MAGI1: variants seen among roughly 807,000 people sequenced by gnomAD.
MAGI1 encodes membrane associated guanylate kinase, WW and PDZ domain containing 1, also known as membrane-associated guanylate kinase, WW and PDZ domain-containing protein 1.
A neutral mutation model predicts 139.9 loss-of-function variants in MAGI1; 58 were observed. The ratio of observed to expected loss-of-function variants is 0.41; its 90% confidence interval spans 0.34 to 0.52. The LOEUF is 0.52. MAGI1 is among the 20% of genes least tolerant of loss of function. The pLI, the probability that MAGI1 is intolerant of heterozygous loss-of-function variation, is 0.12. For synonymous variants in MAGI1, 812 were observed against 737.9 expected, an observed-to-expected ratio of 1.10 and a Z score of -1.63; for missense variants, 1,874 against 1,901.6, an observed-to-expected ratio of 0.99 and a Z score of 0.27.
intron 2 of MAGI1, among the ~76,000 whole-genome samples, chr3:65,586,078 C>T (rs542971665): frequency 5.3e-5 from 8 of 152,020 alleles, no homozygotes; most frequent in Admixed American, 2.0e-4. Context: ...GCGTTGGTGG[C>T]GCATGCCTGT....
At chr3:65,555,329 T>A (rs933693662) in intron 2 of MAGI1, among the ~76,000 whole-genome samples, 4 of 149,636 alleles carry the variant, frequency 2.7e-5, no homozygotes, top group African/African-American at 1.0e-4. Flanking sequence ...AGAATAGCTA[T>A]GAGGCCATGC....
At chr3:65,550,708 C>T (rs1195977216) in intron 2 of MAGI1, among the ~76,000 whole-genome samples, 2 of 151,852 alleles carry the variant, frequency 1.3e-5, no homozygotes, top group Non-Finnish European at 2.9e-5. Context: ...CTCATGCTTA[C>T]AATCCCAGCA....
intron 1 of MAGI1, among the ~76,000 whole-genome samples, chr3:65,738,826 T>C (rs2035010719): frequency 6.6e-6 from 1 of 152,224 alleles, no homozygotes; most frequent in African/African-American, 2.4e-5. Flanking sequence ...CAGTAAAACA[T>C]GCTATAAGCA....
chr3:66,033,110 C>T (rs927452963), intron 1 of MAGI1, among the ~76,000 whole-genome samples: 2 of 151,744 alleles, frequency 1.3e-5, no homozygotes, highest in Non-Finnish European at 2.9e-5. Context: ...CTCACTGCAA[C>T]CTCTGCCTCC....
At chr3:65,926,786 G>C (rs1412379266) in intron 1 of MAGI1, among the ~76,000 whole-genome samples, 1 of 152,154 alleles carries the variant, frequency 6.6e-6, no homozygotes, top group East Asian at 1.9e-4. Flanking sequence ...CCTGAGATCA[G>C]GAGTTCAAGA....
chr3:65,855,644 CAGAG>C (rs1340531381), intron 1 of MAGI1, among the ~76,000 whole-genome samples: 1 of 10,792 alleles, frequency 9.3e-5, no homozygotes, highest in Non-Finnish European at 2.3e-4. Flanking sequence ...AAGGGAGAAA[CAGAG>C]AGAGAGAAAG....
chr3:65,648,735 C>T (rs540892523), intron 1 of MAGI1, among the ~76,000 whole-genome samples: 1 of 152,176 alleles, frequency 6.6e-6, no homozygotes, highest in South Asian at 2.1e-4. Context: ...ATATGAAAGG[C>T]AAACAAACTG....
At chr3:65,734,532 A>AGAAAGAGAG (rs2034532234) in intron 1 of MAGI1, among the ~76,000 whole-genome samples, 2 of 144,848 alleles carry the variant, frequency 1.4e-5, no homozygotes, top group Non-Finnish European at 3.0e-5. Flanking sequence ...AGAAAGAGAG[A>AGAAAGAGAG]GGGGGAGAGA....
intron 1 of MAGI1, among the ~76,000 whole-genome samples, chr3:65,756,319 G>A (rs1181668451): frequency 2.0e-5 from 3 of 152,112 alleles, no homozygotes; most frequent in Non-Finnish European, 2.9e-5. Flanking sequence ...GGTGCATGTC[G>A]GTGTGGATGA....
chr3:65,769,948 A>G (rs2037815629), intron 1 of MAGI1, among the ~76,000 whole-genome samples: 1 of 152,188 alleles, frequency 6.6e-6, no homozygotes, highest in Admixed American at 6.5e-5. Context: ...AAGTCACAGT[A>G]TCCAACAGGG....
rs2106664409 is a variant in MAGI1, at chr3:65,353,915, CA to C, written c.*2462del. 1 of 152,292 alleles carries C rather than the reference CA, an allele frequency of 6.6e-6. No individual in the cohort carries two copies. Among genetic ancestry groups the C allele is most frequent in the East Asian group, 1.9e-4 (1 of 5,188 alleles). The allele number at this position is 152,292 out of a possible 1,614,324, so 9.4% of individuals were successfully genotyped here. The stretch of plus-strand genomic sequence containing the variant: ...ATGTGTGGAATTCAGGTGAAACTGC[CA>C]CACCAAAAAGTCCACGGATTGAGAC... On this transcript the variant is annotated 3_prime_UTR_variant, in exon 23 of 23. Coordinates refer to ENST00000402939, the MANE Select transcript of MAGI1 (RefSeq NM_001033057.2).
chr3:65,707,849 G>C (rs544063373), intron 1 of MAGI1, among the ~76,000 whole-genome samples: 1 of 152,262 alleles, frequency 6.6e-6, no homozygotes, highest in African/African-American at 2.4e-5. Flanking sequence ...AGCTGAACCA[G>C]AGAGGAAAGC....
intron 1 of MAGI1, among the ~76,000 whole-genome samples, chr3:66,002,283 A>G (rs1262546020): frequency 6.6e-6 from 1 of 152,324 alleles, no homozygotes; most frequent in South Asian, 2.1e-4. Context: ...AAATGTTTCT[A>G]TAATAAATAA....
intron 12 of MAGI1, among the ~76,000 whole-genome samples, chr3:65,428,997 T>G (rs1404751638): frequency 1.3e-5 from 2 of 152,146 alleles, no homozygotes; most frequent in East Asian, 3.9e-4. Context: ...AAGCAGCCAG[T>G]GTGGCTAAAG....
chr3:66,005,218 A>T lies in MAGI1; in HGVS notation c.313+32778T>A, dbSNP rs138247797. Reference sequence around the variant, plus strand: ...ATCAATGTGACCTACAGATCTTTGAATGTGTTGCAAGGGAGACCACAGTCT... The same window carrying T: ...ATCAATGTGACCTACAGATCTTTGATTGTGTTGCAAGGGAGACCACAGTCT... On this transcript the variant is annotated intron_variant, in intron 1 of 22. Coordinates refer to ENST00000402939, the MANE Select transcript of MAGI1 (RefSeq NM_001033057.2). 2.7e-4 allele frequency among the ~76,000 whole-genome samples: 41 copies of T among 152,230 alleles called. No homozygotes were observed. The East Asian group carries it at 7.2e-3, about 27-fold the overall frequency.
chr3:65,745,958 G>A (rs546947840), intron 1 of MAGI1, among the ~76,000 whole-genome samples: 3 of 152,274 alleles, frequency 2.0e-5, no homozygotes, highest in Admixed American at 1.3e-4. Context: ...TCGAACTCCT[G>A]GCCTAAAGTG....
chr3:65,721,147 C>T (rs887608500), intron 1 of MAGI1, among the ~76,000 whole-genome samples: 1 of 152,120 alleles, frequency 6.6e-6, no homozygotes, highest in African/African-American at 2.4e-5. Flanking sequence ...AGACCAACGC[C>T]CTATTGCTTT....
intron 1 of MAGI1, among the ~76,000 whole-genome samples, chr3:65,968,961 T>C (rs1576302558): frequency 6.6e-6 from 1 of 152,222 alleles, no homozygotes; most frequent in Non-Finnish European, 1.5e-5. Flanking sequence ...AGAGAGCATA[T>C]TTGTAGACCA....
intron 2 of MAGI1, among the ~76,000 whole-genome samples, chr3:65,507,725 A>T (rs527725768): frequency 6.6e-6 from 1 of 152,182 alleles, no homozygotes; most frequent in Admixed American, 6.5e-5. Context: ...CCTCATTTCA[A>T]TTAGTTCATG....
Sources: allele counts gnomAD v4.1 joint callset (sites outside exome capture counted in the v4.1 genomes callset), GRCh38; gene constraint gnomAD v4.1.1; transcripts MANE v1.5; gene names NCBI Gene and HGNC (gene_info 2026-07-23, HGNC 2026-07-21).